MYO10: variants seen among roughly 807,000 people sequenced by gnomAD.
MYO10 encodes the protein myosin X.
MYO10 carries 133 observed loss-of-function variants against 257.3 expected under a neutral mutation model. The observed-to-expected ratio is 0.52, with a 90% CI of 0.45 to 0.60. The LOEUF is 0.60. MYO10 is among the 20% of genes least tolerant of loss of function. The pLI is 0.00. For synonymous variants in MYO10, 1,104 were observed against 1,028.6 expected, an observed-to-expected ratio of 1.07 and a Z score of -1.40; for missense variants, 2,399 against 2,635.7, an observed-to-expected ratio of 0.91 and a Z score of 1.97.
intron 1 of MYO10, among the ~76,000 whole-genome samples, chr5:16,908,712 G>C (rs528029845): frequency 1.3e-5 from 2 of 152,216 alleles, no homozygotes; most frequent in South Asian, 4.1e-4. Flanking sequence ...GATAGATATA[G>C]ATATGATAAG....
At chr5:16,715,150 A>G (rs1357945405) in intron 19 of MYO10, among the ~76,000 whole-genome samples, 84 of 151,094 alleles carry the variant, frequency 5.6e-4, no homozygotes, top group African/African-American at 1.9e-3. Context: ...TTGGACAAAA[A>G]AAAAAAAAAA....
At chr5:16,886,847 G>A (rs919379540) in intron 1 of MYO10, among the ~76,000 whole-genome samples, 18 of 150,652 alleles carry the variant, frequency 1.2e-4, no homozygotes, top group African/African-American at 4.2e-4. Flanking sequence ...CATGAGAATC[G>A]CTTGAACCAG....
At chr5:16,747,805 G>C (rs1449914683) in intron 19 of MYO10, among the ~76,000 whole-genome samples, 2 of 151,080 alleles carry the variant, frequency 1.3e-5, no homozygotes, top group African/African-American at 4.8e-5. Flanking sequence ...TGTAGTCCCA[G>C]CTACTTGGGA....
intron 1 of MYO10, among the ~76,000 whole-genome samples, chr5:16,934,097 C>T (rs1746367596): frequency 6.6e-6 from 1 of 152,226 alleles, no homozygotes; most frequent in African/African-American, 2.4e-5. Flanking sequence ...TAAAATCCAA[C>T]AACCAGGCCC....
intron 26 of MYO10, among the ~76,000 whole-genome samples, chr5:16,696,685 G>A (rs79180958): frequency 2.6e-5 from 4 of 152,034 alleles, no homozygotes; most frequent in Middle Eastern, 3.4e-3. Flanking sequence ...GTGAAACCCC[G>A]TCTCTACTCA....
intron 19 of MYO10, among the ~76,000 whole-genome samples, chr5:16,725,050 G>C (rs1003503422): frequency 2.7e-5 from 4 of 149,146 alleles, no homozygotes; most frequent in Non-Finnish European, 5.9e-5. Flanking sequence ...TAACCTGTCA[G>C]GATATACAGT....
intron 19 of MYO10, chr5:16,738,355 T>A: frequency 1.0e-6 from 1 of 985,356 alleles, no homozygotes; most frequent in Non-Finnish European, 1.2e-6. Flanking sequence ...CTGTGCTGGC[T>A]GGGAAGCTTC....
At chr5:16,679,821 G>T in intron 33 of MYO10, 126 bp downstream of exon 33, 2 of 1,308,094 alleles carry the variant, frequency 1.5e-6, no homozygotes, top group Non-Finnish European at 1.0e-6. Flanking sequence ...CACCGTGCCG[G>T]CCAACCAAGC....
intron 28 of MYO10, among the ~76,000 whole-genome samples, chr5:16,686,579 A>G (rs1737263506): frequency 6.6e-6 from 1 of 151,722 alleles, no homozygotes; most frequent in Non-Finnish European, 1.5e-5. Context: ...TTCTTGCCCA[A>G]GCTGGAGTAC....
chr5:16,712,901 A>G (rs1298126450), intron 19 of MYO10, among the ~76,000 whole-genome samples: 2 of 152,214 alleles, frequency 1.3e-5, no homozygotes, highest in Non-Finnish European at 2.9e-5. Context: ...AAATATGAAA[A>G]CAAAATTAGC....
chr5:16,814,021 G>A (rs565912032), intron 3 of MYO10, among the ~76,000 whole-genome samples: 29 of 152,300 alleles, frequency 1.9e-4, no homozygotes, highest in Admixed American at 6.5e-4. Context: ...TTCAGCCAAC[G>A]ACACAATGAG....
chr5:16,802,013 A>G (rs1336743409), intron 3 of MYO10, among the ~76,000 whole-genome samples: 1 of 152,206 alleles, frequency 6.6e-6, no homozygotes, highest in African/African-American at 2.4e-5. Flanking sequence ...ATGCTAAGTG[A>G]ATTATGACAG....
intron 2 of MYO10, among the ~76,000 whole-genome samples, chr5:16,841,628 T>G (rs990466523): frequency 2.0e-5 from 3 of 152,156 alleles, no homozygotes; most frequent in African/African-American, 7.2e-5. Context: ...TTCCATGAGC[T>G]CCACAGACCA....
intron 1 of MYO10, among the ~76,000 whole-genome samples, chr5:16,921,592 T>C (rs1016504053): frequency 2.4e-4 from 34 of 141,972 alleles, no homozygotes; most frequent in African/African-American, 8.2e-4. Context: ...TAGGAAACAG[T>C]AGATCTGGTG....
At chr5:16,729,691 G>A (rs560396220) in intron 19 of MYO10, among the ~76,000 whole-genome samples, 4 of 152,120 alleles carry the variant, frequency 2.6e-5, no homozygotes, top group East Asian at 3.9e-4. Flanking sequence ...TGATCCACCC[G>A]CCTCGGCCTC....
At chr5:16,796,243 G>C (rs956010300) in intron 3 of MYO10, among the ~76,000 whole-genome samples, 45 of 93,632 alleles carry the variant, frequency 4.8e-4, no homozygotes, top group Admixed American at 2.9e-3. Context: ...AAGAGCGAGC[G>C]TGCGAGAGAG....
chr5:16,713,685 G>A (rs1738723997), intron 19 of MYO10, among the ~76,000 whole-genome samples: 2 of 152,258 alleles, frequency 1.3e-5, no homozygotes, highest in South Asian at 4.1e-4. Context: ...AACCCACCCT[G>A]CGATCACAAT....
intron 19 of MYO10, among the ~76,000 whole-genome samples, chr5:16,715,392 A>ATTTTTTT (rs372307063): frequency 2.7e-4 from 23 of 84,354 alleles, no homozygotes; most frequent in South Asian, 4.3e-4. Flanking sequence ...TAAGATTGAA[A>ATTTTTTT]TTTTTTTTTT....
chr5:16,684,937 C>T (rs1443574314), intron 29 of MYO10, among the ~76,000 whole-genome samples: 1 of 151,972 alleles, frequency 6.6e-6, no homozygotes, highest in Non-Finnish European at 1.5e-5. Context: ...GTCCCAGCTA[C>T]TTGGGAGGCT....
Sources: gnomAD v4.1 joint callset for allele counts (sites outside exome capture counted in the v4.1 genomes callset) on GRCh38, gnomAD v4.1.1 for gene constraint, MANE v1.5 for transcripts, NCBI Gene and HGNC (gene_info 2026-07-23, HGNC 2026-07-21) for gene names.